Variants in UIMC1 observed in about 807,000 individuals in gnomAD.
The protein encoded by UIMC1 is ubiquitin interaction motif containing 1.
UIMC1 carries 42 observed loss-of-function variants against 84.9 expected under a neutral mutation model. The ratio of observed to expected loss-of-function variants is 0.49; its 90% CI spans 0.39 to 0.64. UIMC1 has a LOEUF of 0.64. Ranked by LOEUF, UIMC1 falls within the 30% of genes least tolerant of loss-of-function variation. The pLI is 0.00. For synonymous variants in UIMC1, 281 were observed against 293.0 expected, an observed-to-expected ratio of 0.96 and a Z score of 0.42; for missense variants, 825 against 847.6, an observed-to-expected ratio of 0.97 and a Z score of 0.33.
intron 4 of UIMC1, 36 bp from the exon 5 acceptor site, chr5:176,969,742 T>C: frequency 1.3e-6 from 2 of 1,585,774 alleles, no homozygotes; most frequent in Non-Finnish European, 8.6e-7. Flanking sequence ...CCAGGTTTAT[T>C]ATTAAAATAA....
chr5:177,007,412 C>T (rs927770244), upstream of UIMC1, among the ~76,000 whole-genome samples: 1 of 149,676 alleles, frequency 6.7e-6, no homozygotes, highest in Non-Finnish European at 1.5e-5. Context: ...GTGCACAAGA[C>T]ATGTTCAAGG....
At chr5:176,984,086 A>G in intron 1 of UIMC1, among the ~76,000 whole-genome samples, 1 of 115,308 alleles carries the variant, frequency 8.7e-6, no homozygotes, top group African/African-American at 3.5e-5. Flanking sequence ...CCCGTCTGGG[A>G]AGTGAGGAGT....
intron 1 of UIMC1, among the ~76,000 whole-genome samples, chr5:176,985,113 G>C (rs941388933): frequency 6.6e-6 from 1 of 151,976 alleles, no homozygotes; most frequent in Non-Finnish European, 1.5e-5. Flanking sequence ...AAAATATAGA[G>C]GAATTTTTTT....
At chr5:176,914,683 A>G (rs1760740400) in intron 10 of UIMC1, among the ~76,000 whole-genome samples, 1 of 152,242 alleles carries the variant, frequency 6.6e-6, no homozygotes, top group Non-Finnish European at 1.5e-5. Flanking sequence ...CTGGAAGAGG[A>G]AGGAGGCATA....
At chr5:176,954,164 T>C (rs1324557701) in intron 8 of UIMC1, among the ~76,000 whole-genome samples, 2 of 152,182 alleles carry the variant, frequency 1.3e-5, no homozygotes, top group African/African-American at 4.8e-5. Flanking sequence ...CTTTTCCCTC[T>C]CATTAACTAG....
At position 176,975,296 on chromosome 5, in the gene UIMC1, A is replaced by G. The variant is rs892515336; in HGVS notation, c.232+100T>C. 12 of 1,177,434 alleles carry G rather than the reference A, an allele frequency of 1.0e-5. No homozygotes were observed. In the African/African-American group the frequency reaches 1.7e-4, roughly 17 times the overall value. 72.9% of individuals were successfully genotyped at this position (1,177,434 alleles called of 1,614,324 possible). On this transcript the variant is annotated intron_variant, in intron 3 of 14. Coordinates refer to ENST00000511320, the MANE Select transcript of UIMC1 (RefSeq NM_001199298.2). ...TAAATTCACAACTTTTCTTGAATCTATCAGAGACCTAAGAATGCAACATAA... is the reference window on the plus strand; with the variant it reads ...TAAATTCACAACTTTTCTTGAATCTGTCAGAGACCTAAGAATGCAACATAA...
chr5:176,953,093 C>T (rs1254904866), intron 8 of UIMC1, among the ~76,000 whole-genome samples: 1 of 152,168 alleles, frequency 6.6e-6, no homozygotes, highest in Non-Finnish European at 1.5e-5. Flanking sequence ...CTCTCACCCT[C>T]TTTCCACCAT....
At chr5:176,950,871 A>C (rs75017636) in intron 9 of UIMC1, among the ~76,000 whole-genome samples, 1 of 151,876 alleles carries the variant, frequency 6.6e-6, no homozygotes, top group Non-Finnish European at 1.5e-5. Flanking sequence ...ACTCCATCCC[A>C]AAAAAAAGAA....
chr5:176,983,516 G>A (rs1001562029), intron 1 of UIMC1, among the ~76,000 whole-genome samples: 1 of 152,090 alleles, frequency 6.6e-6, no homozygotes, highest in African/African-American at 2.4e-5. Flanking sequence ...ATTGCAGACG[G>A]AGTCTCGCTC....
rs1354938619 is a variant in UIMC1 at position 176,914,064 on chromosome 5, T to TACCACACCACACCAC, written c.1598-2676_1598-2675insGTGGTGTGGTGTGGT. On this transcript the variant is annotated intron_variant, in intron 10 of 14. Coordinates refer to ENST00000511320, the MANE Select transcript of UIMC1 (RefSeq NM_001199298.2). ...CACCATACCATACCATACCATACCA[T>TACCACACCACACCAC]ACCATACCACACCACACCACACCAT... Among the ~76,000 whole-genome samples, 531 of 122,602 alleles carry TACCACACCACACCAC rather than the reference T, an allele frequency of 4.3e-3. 4 individuals are homozygous for TACCACACCACACCAC. Among genetic ancestry groups the TACCACACCACACCAC allele is most frequent in the African/African-American group, 0.025 (486 of 19,548 alleles). 80.4% of individuals were successfully genotyped at this position (122,602 alleles called of 152,430 possible).
intron 1 of UIMC1, among the ~76,000 whole-genome samples, chr5:177,013,080 C>CA (rs35280210): frequency 3.3e-3 from 428 of 131,560 alleles, no homozygotes; most frequent in Middle Eastern, 0.016. Flanking sequence ...GATCTTGTAT[C>CA]AAAAAAAAAA....
chr5:177,002,373 G>A (rs1236913628), intron 1 of UIMC1, among the ~76,000 whole-genome samples: 1 of 152,140 alleles, frequency 6.6e-6, no homozygotes, highest in Non-Finnish European at 1.5e-5. Context: ...GTACTGATTG[G>A]GAAAGACACA....
chr5:176,982,901 G>A (rs886492825), intron 1 of UIMC1, among the ~76,000 whole-genome samples: 1 of 152,136 alleles, frequency 6.6e-6, no homozygotes, highest in Admixed American at 6.5e-5. Flanking sequence ...GTTTCACCAT[G>A]TTGGCCAGGC....
intron 5 of UIMC1, 32 bp from the exon 6 acceptor site, chr5:176,969,323 G>T: frequency 6.4e-7 from 1 of 1,562,338 alleles, no homozygotes; most frequent in Non-Finnish European, 8.6e-7. Context: ...TAGGGCTAAG[G>T]ACAAACTTTT....
At chr5:176,979,985 A>G (rs2149500068) in intron 2 of UIMC1, 1 of 152,284 alleles carries the variant, frequency 6.6e-6, no homozygotes, top group East Asian at 1.9e-4. Context: ...TGGGGGGCTA[A>G]ATAGAATAAA....
At chr5:176,990,526 G>C (rs1215504661) in intron 1 of UIMC1, among the ~76,000 whole-genome samples, 1 of 152,052 alleles carries the variant, frequency 6.6e-6, no homozygotes, top group African/African-American at 2.4e-5. Context: ...CAAATAAGAT[G>C]ACATATTTGT....
rs1717575610 is a variant in UIMC1 at position 176,968,768 on chromosome 5, A to G, written c.987T>C (p.Pro329=). 6.2e-7 allele frequency: 1 copy of G among 1,614,174 alleles called. No homozygotes were observed. Among genetic ancestry groups the G allele is most frequent in the South Asian group, 1.1e-5 (1 of 91,090 alleles). ...GGCCACATTCATTCTGGATCAGAGA[A>G]GGAGGTCTAGGTAACACTGGTTCCC... ...GFGEPVLPRP[P]SLIQNECGQG... is the part of the protein sequence containing the mutation. Residue 329 remains proline, a synonymous_variant, in exon 6 of 15, where the codon CCT becomes CCC. Coordinates refer to ENST00000511320, the MANE Select transcript of UIMC1 (RefSeq NM_001199298.2).
intron 10 of UIMC1, among the ~76,000 whole-genome samples, chr5:176,931,430 G>A (rs141936251): frequency 5.9e-5 from 9 of 152,310 alleles, no homozygotes; most frequent in African/African-American, 1.9e-4. Flanking sequence ...ACATCTGGCA[G>A]AAGAAAACTG....
chr5:176,905,830 T>G (rs755139739), intron 14 of UIMC1, 181 bp downstream of exon 14: 118 of 665,332 alleles, frequency 1.8e-4, no homozygotes, highest in Non-Finnish European at 2.5e-4. Flanking sequence ...ATGAATGAAT[T>G]GAGTTATCCA....
Sources: gnomAD v4.1 joint callset for allele counts (sites outside exome capture counted in the v4.1 genomes callset) on GRCh38, gnomAD v4.1.1 for gene constraint, MANE v1.5 for transcripts, NCBI Gene and HGNC (gene_info 2026-07-23, HGNC 2026-07-21) for gene names.